The following AGTPBP1 variants were observed in gnomAD, a reference collection of about 807,000 sequenced individuals.
AGTPBP1 encodes cytosolic carboxypeptidase 1.
AGTPBP1 carries 70 observed loss-of-function variants against 143.9 expected under a neutral mutation model. The ratio of observed to expected loss-of-function variants is 0.49; its 90% CI spans 0.40 to 0.59. AGTPBP1 has a LOEUF of 0.59. AGTPBP1 is among the 20% of genes least tolerant of loss of function. The pLI is 0.00. For missense variants in AGTPBP1, 1,229 were observed against 1,464.5 expected (o/e 0.84, Z 2.62); for synonymous variants, 463 against 500.2 (o/e 0.93, Z 0.99).
At chr9:85,788,791 C>A in the AGTPBP1 span, among the ~76,000 whole-genome samples, 2 of 150,024 alleles carry the variant, frequency 1.3e-5, no homozygotes, top group Non-Finnish European at 3.0e-5. Context: ...TATAGATACA[C>A]TTGTATATAT....
At position 85,586,943 on chromosome 9, in the gene AGTPBP1, C is replaced by T. The variant is rs1182121437; in HGVS notation, c.2921G>A (p.Ser974Asn). 1 of 1,613,778 alleles carries T rather than the reference C, an allele frequency of 6.2e-7. No homozygotes were observed. The highest frequency in any genetic ancestry group is 8.5e-7 in the Non-Finnish European group (1 of 1,179,888). The change falls in exon 22 of 26, where the codon AGT becomes AAT. Residue 974 changes from serine to asparagine, a missense_variant. Ser to Asn is a conservative substitution (Grantham distance 46, BLOSUM62 1). Around this residue, in one of 2 missense-constraint regions of AGTPBP1, gnomAD observed 486 missense variants for 652.3 expected, o/e 0.75. Transcript: ENST00000357081. ...VINGNHRCSL[S>N]GEDLNRQWQS... ...CCACTGCCTATTCAAATCCTCTCCA[C>T]TTAAAGAACAGCGATGACTACATGT...
intron 12 of AGTPBP1, among the ~76,000 whole-genome samples, chr9:85,644,792 AAAT>A (rs1832712343): frequency 6.6e-6 from 1 of 152,122 alleles, no homozygotes; most frequent in Non-Finnish European, 1.5e-5. Context: ...GAACACAAAT[AAAT>A]AATACCCCCA....
intron 12 of AGTPBP1, among the ~76,000 whole-genome samples, chr9:85,643,833 T>C (rs1279352834): frequency 6.6e-6 from 1 of 152,192 alleles, no homozygotes; most frequent in Non-Finnish European, 1.5e-5. Context: ...GGATCCTCAA[T>C]GACTCTGGCC....
At chr9:85,723,829 G>A (rs2134648516) in intron 1 of AGTPBP1, among the ~76,000 whole-genome samples, 1 of 152,212 alleles carries the variant, frequency 6.6e-6, no homozygotes, top group Non-Finnish European at 1.5e-5. Flanking sequence ...GCCTCCTCTG[G>A]GTTGACTGTC....
chr9:85,702,662 T>C (rs1257188610), intron 2 of AGTPBP1, among the ~76,000 whole-genome samples: 2 of 151,832 alleles, frequency 1.3e-5, no homozygotes, highest in African/African-American at 4.8e-5. Flanking sequence ...TCTCTCTCTT[T>C]TTTTTTTTTA....
intron 25 of AGTPBP1, among the ~76,000 whole-genome samples, chr9:85,547,622 C>T (rs1196456637): frequency 6.6e-6 from 1 of 152,210 alleles, no homozygotes; most frequent in Non-Finnish European, 1.5e-5. Context: ...TTTTTTAATT[C>T]TACTAAAATC....
At chr9:85,792,631 T>A in the AGTPBP1 span, among the ~76,000 whole-genome samples, 1 of 152,178 alleles carries the variant, frequency 6.6e-6, no homozygotes, top group African/African-American at 2.4e-5. Flanking sequence ...TAAAAAACTA[T>A]TTATGAATCA....
the AGTPBP1 span, chr9:85,781,066 G>C: frequency 8.5e-7 from 1 of 1,173,202 alleles, no homozygotes; most frequent in Non-Finnish European, 1.1e-6. Flanking sequence ...ACAGTGAGCC[G>C]AGCATATCAC....
chr9:85,617,495 G>A (rs1439634891), intron 17 of AGTPBP1, among the ~76,000 whole-genome samples: 1 of 152,046 alleles, frequency 6.6e-6, no homozygotes, highest in Admixed American at 6.6e-5. Context: ...ATTTTCCACA[G>A]GCATAATGTT....
intron 25 of AGTPBP1, among the ~76,000 whole-genome samples, chr9:85,547,786 C>T (rs554739513): frequency 1.3e-5 from 2 of 152,270 alleles, no homozygotes; most frequent in East Asian, 3.9e-4. Context: ...CCACCAGTTT[C>T]CGTAGGTCAA....
the AGTPBP1 span, chr9:85,756,318 T>C: frequency 7.0e-7 from 1 of 1,423,936 alleles, no homozygotes; most frequent in Non-Finnish European, 9.2e-7. Context: ...AGGATGGCTA[T>C]AATCAGAAAA....
At chr9:85,741,375 C>T (rs534492559) in intron 1 of AGTPBP1, 1 of 985,310 alleles carries the variant, frequency 1.0e-6, no homozygotes, top group East Asian at 1.1e-4. Context: ...GCTGGGCGCG[C>T]CCGCCCCCGG....
At chr9:85,771,949 G>A in the AGTPBP1 span, among the ~76,000 whole-genome samples, 2 of 150,496 alleles carry the variant, frequency 1.3e-5, no homozygotes, top group East Asian at 2.0e-4. Context: ...GTGAGCCACC[G>A]CGCCCAGCCT....
intron 25 of AGTPBP1, among the ~76,000 whole-genome samples, chr9:85,557,298 G>A (rs1826412531): frequency 6.6e-6 from 1 of 152,110 alleles, no homozygotes; most frequent in Admixed American, 6.5e-5. Context: ...GGATCCCGAG[G>A]TGCTCACATC....
At chr9:85,556,637 T>G (rs1826361324) in intron 25 of AGTPBP1, among the ~76,000 whole-genome samples, 1 of 152,150 alleles carries the variant, frequency 6.6e-6, no homozygotes, top group Non-Finnish European at 1.5e-5. Flanking sequence ...GAAAAGATAT[T>G]ATGCAAAAAC....
At chr9:85,677,729 G>A (rs1258164645) in intron 5 of AGTPBP1, 147 bp from the exon 6 acceptor site, 12 of 689,302 alleles carry the variant, frequency 1.7e-5, no homozygotes, top group Non-Finnish European at 2.2e-5. Flanking sequence ...AAGGCTGGGC[G>A]CAGTAGCTCA....
chr9:85,655,977 G>A (rs1288321789), intron 10 of AGTPBP1, among the ~76,000 whole-genome samples: 2 of 152,044 alleles, frequency 1.3e-5, no homozygotes, highest in African/African-American at 2.4e-5. Flanking sequence ...ACAGGTGCCC[G>A]ACACCACGCC....
Position 85,692,929 on chromosome 9 carries a change from C to T in AGTPBP1, c.33-116G>A, listed in dbSNP as rs1021202632. The T allele has an allele frequency of 5.0e-5, 57 of 1,149,512 alleles. No individual in the cohort carries two copies. The Middle Eastern group carries it at 7.0e-4, about 14-fold the overall frequency. The allele number at this position is 1,149,512 out of a possible 1,614,324, so 71.2% of individuals were successfully genotyped here. On this transcript the variant is annotated intron_variant, in intron 2 of 25. Coordinates refer to ENST00000357081, the MANE Select transcript of AGTPBP1 (RefSeq NM_001330701.2). ...CTTTTAAAAACAGAAAGCATTTACA[C>T]GTCGCACTTCCTTACTCTGTTCTAT...
At chr9:85,746,462 C>A (rs1824584219), upstream of AGTPBP1, among the ~76,000 whole-genome samples, 1 of 152,070 alleles carries the variant, frequency 6.6e-6, no homozygotes, top group South Asian at 2.1e-4. Flanking sequence ...CACATCTCTA[C>A]AAAAATTAAA....
Sources: gnomAD v4.1 joint callset for allele counts (sites outside exome capture counted in the v4.1 genomes callset) on GRCh38, gnomAD v4.1.1 for gene constraint, gnomAD v4.1.1 regional missense constraint, MANE v1.5 for transcripts, NCBI Gene and HGNC (gene_info 2026-07-23, HGNC 2026-07-21) for gene names.